The following DENND1C variants were observed in gnomAD, a reference collection of about 807,000 sequenced individuals.
DENND1C encodes the protein DENN domain-containing protein 1C.
DENND1C carries 64 observed loss-of-function variants against 87.9 expected under a neutral mutation model. That is an observed-to-expected ratio of 0.73 (90% CI 0.60 to 0.90). The LOEUF is 0.90. Among genes scored for constraint, DENND1C ranks in the 40% least tolerant of loss-of-function variants. The pLI, the probability that DENND1C is intolerant of heterozygous loss-of-function variation, is 0.00. For missense variants in DENND1C, 980 were observed against 1,037.0 expected (o/e 0.95, Z 0.76); for synonymous variants, 384 against 424.4 (o/e 0.90, Z 1.17).
chr19:6,480,571 T>C (rs1280307572), intron 1 of DENND1C: 6 of 199,812 alleles, frequency 3.0e-5, no homozygotes, highest in African/African-American at 2.1e-4. Context: ...CCTATCTATC[T>C]ATCTATCTAT....
intron 4 of DENND1C, 142 bp from the exon 5 acceptor site, chr19:6,479,198 A>ATCCCTGGGTCTCC: frequency 1.1e-5 from 13 of 1,222,126 alleles, no homozygotes; most frequent in Non-Finnish European, 1.3e-5. Context: ...CCTGGGTCTC[A>ATCCCTGGGTCTCC]GAATCCCTGG....
chr19:6,468,486 GC>G, intron 21 of DENND1C, 45 bp from the exon 22 acceptor site: 1 of 1,582,550 alleles, frequency 6.3e-7, no homozygotes, highest in Non-Finnish European at 8.6e-7. Context: ...AAGACCCCCA[GC>G]CCTGGTCAGG....
rs373281532 is a variant in DENND1C, at chr19:6,476,982, G to A, written c.568-15C>T. 4.3e-6 allele frequency: 7 copies of A among 1,613,552 alleles called. No individual in the cohort carries two copies. In the African/African-American group the frequency reaches 8.0e-5, roughly 18 times the overall value. On this transcript the variant is annotated splice_polypyrimidine_tract_variant and intron_variant, in intron 9 of 22. Transcript: ENST00000381480. Reference sequence around the variant, plus strand: ...GTTAGGTTCCTCTGAGGATCAGAGAGTCGCTCTGGGCGTGGACGGGCCCCT... The same window carrying A: ...GTTAGGTTCCTCTGAGGATCAGAGAATCGCTCTGGGCGTGGACGGGCCCCT...
In DENND1C at chr19:6,468,638, G is replaced by A. The variant is rs1296810965; in HGVS notation, c.1523C>T (p.Pro508Leu). Residue 508 changes from proline to leucine, a missense_variant, in exon 21 of 23, where the codon CCC (proline) becomes CTC (leucine). Physicochemically the swap from Pro to Leu is moderately conservative, Grantham distance 98 (BLOSUM62 -3). Coordinates refer to ENST00000381480, the MANE Select transcript of DENND1C (RefSeq NM_024898.4). ...PITQHFGKNR[P>L]LRPSRRRQLE... ...CTGGCGTCTCCTGCTGGGGCGAAGG[G>A]GCCGGTTCTGCAAAGGGTGGGGGCG... is the stretch of plus-strand genomic sequence containing the variant. The A allele has an allele frequency of 6.7e-7, 1 of 1,486,022 alleles. No individual in the cohort carries two copies. Among genetic ancestry groups the A allele is most frequent in the Non-Finnish European group, 8.9e-7 (1 of 1,120,702 alleles). 92.1% of individuals were successfully genotyped at this position (1,486,022 alleles called of 1,614,324 possible).
At chr19:6,469,773 A>G (rs1254238578) in intron 18 of DENND1C, 133 bp from the exon 19 acceptor site, 3 of 850,694 alleles carry the variant, frequency 3.5e-6, no homozygotes, top group African/African-American at 3.4e-5. Context: ...CACCCCCCAT[A>G]CACCACCTAA....
intron 10 of DENND1C, 64 bp downstream of exon 10, chr19:6,476,793 T>C: frequency 6.6e-7 from 1 of 1,506,280 alleles, no homozygotes; most frequent in Admixed American, 2.0e-5. Flanking sequence ...TCAGCCCCCT[T>C]GTCCCGCCCC....
chr19:6,478,435 T>C (rs2092876109), intron 6 of DENND1C, among the ~76,000 whole-genome samples: 1 of 151,244 alleles, frequency 6.6e-6, no homozygotes, highest in South Asian at 2.1e-4. Flanking sequence ...TTTGTATTTT[T>C]AGTAGAGACG....
intron 15 of DENND1C, among the ~76,000 whole-genome samples, 165 bp downstream of exon 15, chr19:6,472,724 C>T (rs2092836316): frequency 6.6e-6 from 1 of 152,180 alleles, no homozygotes; most frequent in Non-Finnish European, 1.5e-5. Context: ...GGAGTTCAGT[C>T]CTTCCCCACT....
Position 6,479,672 on chromosome 19 carries a change from T to C in DENND1C, c.173A>G (p.Glu58Gly), listed in dbSNP as rs745422366. ...GGATCTCCCCGCCCTTCCGTACCTT[T>C]CCACATCAAAAGGGAAGCAGAATTT... is the stretch of plus-strand genomic sequence containing the variant. Reference protein sequence around the residue: ...VPKFCFPFDVEREPPSPAVQH... With the variant: ...VPKFCFPFDVGREPPSPAVQH... Residue 58 changes from glutamate (E) to glycine (G), a missense_variant, in exon 4 of 23, where the codon GAA becomes GGA. Physicochemically the swap from Glu to Gly is moderately conservative, Grantham distance 98 (BLOSUM62 -2). Transcript: ENST00000381480. 3 of 1,613,690 alleles carry C rather than the reference T, an allele frequency of 1.9e-6. No homozygotes were observed. The highest frequency in any genetic ancestry group is 2.7e-5 in the African/African-American group (2 of 74,852).
Position 6,479,296 on chromosome 19 carries a change from A to T in DENND1C, c.177-240T>A, listed in dbSNP as rs552862393. 2.0e-3 allele frequency among the ~76,000 whole-genome samples: 292 copies of T among 142,528 alleles called. 2 individuals are homozygous for T. The highest frequency in any genetic ancestry group is 8.4e-3 in the African/African-American group (280 of 33,294). 93.5% of individuals were successfully genotyped at this position (142,528 alleles called of 152,430 possible). On this transcript the variant is annotated intron_variant, in intron 4 of 22. Coordinates refer to ENST00000381480, the MANE Select transcript of DENND1C (RefSeq NM_024898.4). ...GGGTTTCTGGATCTCTGGGTCCTTGAATCCCTAAGTCCCTGGGTTCCTCAG... is the reference window on the plus strand; with the variant it reads ...GGGTTTCTGGATCTCTGGGTCCTTGTATCCCTAAGTCCCTGGGTTCCTCAG...
At position 6,467,954 on chromosome 19, in the gene DENND1C, C is replaced by A; in HGVS notation, c.1956G>T (p.Thr652=). ...AAGCTGTTGAGGACTGGGATGGAGA[C>A]GTGACTTCTTGGTCGGACTCTGAGG... ...LIPSESDQEV[T]SPSQSSTASA... is the part of the protein sequence containing the mutation. The change falls in exon 23 of 23, where the codon ACG becomes ACT. Residue 652 remains threonine (T), a synonymous_variant. Coordinates refer to ENST00000381480, the MANE Select transcript of DENND1C (RefSeq NM_024898.4). 1 of 1,613,784 alleles carries A rather than the reference C, an allele frequency of 6.2e-7. No homozygotes were observed. The highest frequency in any genetic ancestry group is 8.5e-7 in the Non-Finnish European group (1 of 1,179,844).
In DENND1C at chr19:6,467,577, G is replaced by T. The variant is rs546680336; in HGVS notation, c.2333C>A (p.Thr778Asn). 101 of 1,606,538 alleles carry T rather than the reference G, an allele frequency of 6.3e-5. No individual in the cohort carries two copies. In the African/African-American group the frequency reaches 1.3e-3, roughly 21 times the overall value. Reference sequence around the variant, plus strand: ...GGGCTGGGACTTTTGACAGTTGCTGGTGGGTGTAGCAGGGGAATTCAGGGC... The same window carrying T: ...GGGCTGGGACTTTTGACAGTTGCTGTTGGGTGTAGCAGGGGAATTCAGGGC... ...PGALNSPATP[T>N]SNCQKSQPSS... is the part of the protein sequence containing the mutation. The change falls in exon 23 of 23, where the codon ACC (threonine) becomes AAC (asparagine). Residue 778 changes from threonine to asparagine, a missense_variant. Transcript: ENST00000381480.
chr19:6,468,118 G>C lies in DENND1C; in HGVS notation c.1792C>G (p.Pro598Ala). The C allele has an allele frequency of 6.2e-7, 1 of 1,613,136 alleles. No homozygotes were observed. The highest frequency in any genetic ancestry group is 8.5e-7 in the Non-Finnish European group (1 of 1,179,424). The change falls in exon 23 of 23, where the codon CCC (proline) becomes GCC (alanine). Residue 598 changes from proline (P) to alanine (A), a missense_variant and splice_region_variant. Pro to Ala is a conservative substitution (Grantham distance 27). Transcript: ENST00000381480. Reference sequence around the variant, plus strand: ...TCTGGTTGCCATCTTGGTATGTTGGGCTAGGTGAGATGGATAGGGAAGTTG... The same window carrying C: ...TCTGGTTGCCATCTTGGTATGTTGGCCTAGGTGAGATGGATAGGGAAGTTG... ...RGDLDSCFSLPNIPRWQPDDK... is the reference protein window; with the variant it reads ...RGDLDSCFSLANIPRWQPDDK...
In DENND1C at chr19:6,478,924, C is replaced by G. The variant is rs368398475; in HGVS notation, c.296+13G>C. The G allele has an allele frequency of 2.0e-5, 32 of 1,613,872 alleles. No homozygotes were observed. Among genetic ancestry groups the G allele is most frequent in the Non-Finnish European group, 2.6e-5 (31 of 1,179,890 alleles). ...CCTTTCCCATCCCCCCCTCCAACCC[C>G]CATATCCCGCACCTGAGGATGCAGA... On this transcript the variant is annotated intron_variant, in intron 5 of 22. Coordinates refer to ENST00000381480, the MANE Select transcript of DENND1C (RefSeq NM_024898.4).
rs1486892788 is a variant in DENND1C at position 6,477,075 on chromosome 19, T to C, written c.566A>G (p.Asn189Ser). Residue 189 changes from asparagine (N) to serine (S), a missense_variant and splice_region_variant, in exon 9 of 23, where the codon AAC becomes AGC. Coordinates refer to ENST00000381480, the MANE Select transcript of DENND1C (RefSeq NM_024898.4). The stretch of plus-strand genomic sequence containing the variant: ...CCCCAGAGACCCCTCCCCACTCACG[T>C]TCTCAGGGATGGATGGCAGGCGGCC... ...DSGRLPSIPE[N>S]RNLTELVVAV... The C allele has an allele frequency of 1.9e-6, 3 of 1,607,056 alleles. No individual in the cohort carries two copies. The highest frequency in any genetic ancestry group is 3.5e-5 in the Admixed American group (2 of 57,712).
chr19:6,481,612 C>T (rs1913571843), intron 1 of DENND1C, 67 bp downstream of exon 1: 3 of 1,606,180 alleles, frequency 1.9e-6, no homozygotes, highest in South Asian at 2.2e-5. Flanking sequence ...CCCAGCTCCC[C>T]TCTGCCCCGG....
chr19:6,477,127 G>C lies in DENND1C; in HGVS notation c.514C>G (p.Leu172Val), dbSNP rs771344504. ...GAGTCCGGGGCCACGAAGCAGGAAA[G>C]CTGGTGGGGGTATTGGCAGGGGGAT... is the stretch of plus-strand genomic sequence containing the variant. ...PPPTRGNSKP[L>V]SCFVAPDSGR... The change falls in exon 9 of 23, where the codon CTT becomes GTT. Residue 172 changes from leucine (L) to valine (V), a missense_variant and splice_region_variant. By Grantham distance (32) the Leu-to-Val change is conservative. Transcript: ENST00000381480. The C allele has an allele frequency of 2.5e-6, 4 of 1,604,346 alleles. No individual in the cohort carries two copies. In the South Asian group the frequency reaches 4.4e-5, roughly 18 times the overall value.
intron 15 of DENND1C, 129 bp downstream of exon 15, chr19:6,472,760 G>T: frequency 1.5e-6 from 1 of 676,440 alleles, no homozygotes; most frequent in African/African-American, 1.9e-5. Context: ...AGGGGATCCT[G>T]CTGGACTGTC....
At chr19:6,470,265 G>C in intron 18 of DENND1C, 30 bp downstream of exon 18, 1 of 1,591,708 alleles carries the variant, frequency 6.3e-7, no homozygotes, top group Non-Finnish European at 8.6e-7. Flanking sequence ...CGTCACCCCA[G>C]CAAGAGTGGC....
Sources: allele counts gnomAD v4.1 joint callset (sites outside exome capture counted in the v4.1 genomes callset), GRCh38; gene constraint gnomAD v4.1.1; transcripts MANE v1.5; gene names NCBI Gene and HGNC (gene_info 2026-07-23, HGNC 2026-07-21).